Variants in CCDC141 observed in about 807,000 individuals in gnomAD.
The protein encoded by CCDC141 is coiled-coil domain-containing protein 141.
A neutral mutation model predicts 181.0 loss-of-function variants in CCDC141; 168 were observed. The observed-to-expected ratio is 0.93, with a 90% CI of 0.82 to 1.05. The LOEUF (loss-of-function observed/expected upper bound fraction) is 1.05, where lower values mean the gene tolerates loss of function less well. CCDC141 is among the 50% of genes least tolerant of loss of function. The probability of loss-of-function intolerance (pLI) is 0.00; values close to 1 mark genes in which losing one functional copy is unlikely to be tolerated. For missense variants in CCDC141, 1,902 were observed against 1,788.5 expected (o/e 1.06, Z -1.14); for synonymous variants, 666 against 642.3 (o/e 1.04, Z -0.56).
rs1042554091 is a variant in CCDC141, at chr2:178,851,109, G to A, written c.3245-948C>T. Among the ~76,000 whole-genome samples, 7 of 151,804 alleles carry A rather than the reference G, an allele frequency of 4.6e-5. No homozygotes were observed. In the South Asian group the frequency reaches 1.5e-3, roughly 32 times the overall value. ...TGATCTCAGCTACTCGGGAGGCTGA[G>A]GCAGGAGAATCACTTGAACCCGGGA... On this transcript the variant is annotated intron_variant, in intron 20 of 23. Transcript: ENST00000443758.
intron 8 of CCDC141, among the ~76,000 whole-genome samples, chr2:178,896,929 C>T (rs1430449161): frequency 3.3e-5 from 5 of 151,976 alleles, no homozygotes; most frequent in Non-Finnish European, 4.4e-5. Flanking sequence ...TACCTCCCCC[C>T]TCACTTTGTA....
intron 6 of CCDC141, among the ~76,000 whole-genome samples, chr2:178,928,847 A>C (rs1421032479): frequency 1.3e-5 from 2 of 152,242 alleles, no homozygotes; most frequent in Non-Finnish European, 2.9e-5. Flanking sequence ...AATTAAGGCT[A>C]GAATAGGGTT....
intron 2 of CCDC141, among the ~76,000 whole-genome samples, chr2:179,027,266 G>A (rs905375281): frequency 1.3e-5 from 2 of 152,174 alleles, no homozygotes; most frequent in African/African-American, 4.8e-5. Context: ...AACCCAGTGG[G>A]AAGTGATTGC....
chr2:178,964,608 T>C (rs1690544077), intron 4 of CCDC141, among the ~76,000 whole-genome samples: 1 of 152,244 alleles, frequency 6.6e-6, no homozygotes, highest in South Asian at 2.1e-4. Flanking sequence ...TGTTACCTGC[T>C]ACCACGATGG....
Position 178,990,026 on chromosome 2 carries a change from C to A in CCDC141, c.226-11351G>T, listed in dbSNP as rs575780319. 4.0e-5 allele frequency among the ~76,000 whole-genome samples: 6 copies of A among 151,138 alleles called. No homozygotes were observed. The South Asian group carries it at 1.3e-3, about 32-fold the overall frequency. On this transcript the variant is annotated intron_variant, in intron 2 of 23. Coordinates refer to ENST00000443758, the MANE Select transcript of CCDC141 (RefSeq NM_173648.4). The stretch of plus-strand genomic sequence containing the variant: ...TGGTAGCACATGCCTGTAATCCCAG[C>A]TACTCGAGATGCTAAGGCAGGAGAA...
At chr2:178,822,774 A>T in the CCDC141 span, among the ~76,000 whole-genome samples, 2 of 152,220 alleles carry the variant, frequency 1.3e-5, no homozygotes, top group Non-Finnish European at 2.9e-5. Context: ...TGTTTATATC[A>T]GACATATAAA....
At chr2:178,866,616 T>C (rs1037517674) in intron 16 of CCDC141, among the ~76,000 whole-genome samples, 2 of 152,240 alleles carry the variant, frequency 1.3e-5, no homozygotes, top group Non-Finnish European at 2.9e-5. Flanking sequence ...TTTATTAATG[T>C]TATACCTATT....
intron 22 of CCDC141, among the ~76,000 whole-genome samples, chr2:178,845,219 T>C (rs534111286): frequency 7.9e-5 from 12 of 152,296 alleles, no homozygotes; most frequent in Non-Finnish European, 1.6e-4. Context: ...GCTAATGGGT[T>C]GTGTAAAACA....
At chr2:178,873,020 G>A (rs1205114823) in intron 12 of CCDC141, 2 of 152,158 alleles carry the variant, frequency 1.3e-5, no homozygotes, top group Non-Finnish European at 2.9e-5. Flanking sequence ...AGAGCAAAGA[G>A]TAAGACTATG....
chr2:178,917,779 A>G (rs1324088389), intron 7 of CCDC141, among the ~76,000 whole-genome samples: 1 of 152,204 alleles, frequency 6.6e-6, no homozygotes, highest in Non-Finnish European at 1.5e-5. Context: ...TGTCCAATGA[A>G]TCAGAGAGGA....
At chr2:178,980,789 A>G (rs1267022234) in intron 2 of CCDC141, among the ~76,000 whole-genome samples, 2 of 152,212 alleles carry the variant, frequency 1.3e-5, no homozygotes, top group East Asian at 1.9e-4. Flanking sequence ...TGTGTTAATT[A>G]TTTTGCAATG....
At chr2:178,918,400 C>T (rs1334506867) in intron 7 of CCDC141, among the ~76,000 whole-genome samples, 2 of 152,076 alleles carry the variant, frequency 1.3e-5, no homozygotes, top group African/African-American at 4.8e-5. Flanking sequence ...AGAGCCAGGC[C>T]CTTTCTCAAA....
chr2:178,927,307 T>C (rs1476586232), intron 6 of CCDC141, among the ~76,000 whole-genome samples: 2 of 152,106 alleles, frequency 1.3e-5, no homozygotes, highest in African/African-American at 2.4e-5. Context: ...AAAGCATTAT[T>C]CAGCACCTTT....
intron 6 of CCDC141, among the ~76,000 whole-genome samples, chr2:178,937,534 G>C (rs1237170708): frequency 6.6e-6 from 1 of 152,042 alleles, no homozygotes; most frequent in Non-Finnish European, 1.5e-5. Context: ...ATTCATCAAG[G>C]ATATTGGCCT....
chr2:178,981,578 T>A (rs1257938694), intron 2 of CCDC141, among the ~76,000 whole-genome samples: 3 of 146,788 alleles, frequency 2.0e-5, no homozygotes, highest in Non-Finnish European at 4.5e-5. Flanking sequence ...TCAAAATTTT[T>A]AAGATGCCAC....
chr2:178,939,620 C>T (rs920101220), intron 6 of CCDC141, among the ~76,000 whole-genome samples: 14 of 152,062 alleles, frequency 9.2e-5, no homozygotes, highest in Admixed American at 4.6e-4. Flanking sequence ...TGATTTGTTT[C>T]TTCATGTGTC....
chr2:178,988,808 A>G (rs1215181612), intron 2 of CCDC141, among the ~76,000 whole-genome samples: 2 of 152,196 alleles, frequency 1.3e-5, no homozygotes, highest in African/African-American at 4.8e-5. Flanking sequence ...GGATAGACAT[A>G]TAGGGTAATG....
intron 6 of CCDC141, among the ~76,000 whole-genome samples, chr2:178,936,226 T>C (rs1243418970): frequency 6.6e-6 from 1 of 152,174 alleles, no homozygotes; most frequent in Non-Finnish European, 1.5e-5. Flanking sequence ...TTTATAGTTT[T>C]GGGTTTTACA....
At chr2:178,918,088 G>A (rs928196689) in intron 7 of CCDC141, among the ~76,000 whole-genome samples, 3 of 152,108 alleles carry the variant, frequency 2.0e-5, no homozygotes, top group African/African-American at 4.8e-5. Context: ...GTGTCCCCCC[G>A]AAACAGACCA....
Sources: gnomAD v4.1 joint callset for allele counts (sites outside exome capture counted in the v4.1 genomes callset) on GRCh38, gnomAD v4.1.1 for gene constraint, MANE v1.5 for transcripts, NCBI Gene and HGNC (gene_info 2026-07-23, HGNC 2026-07-21) for gene names.